The following GKAP1 variants were observed in gnomAD, a reference collection of about 807,000 sequenced individuals.
GKAP1 encodes the protein G kinase-anchoring protein 1.
GKAP1 carries 31 observed loss-of-function variants against 56.7 expected under a neutral mutation model. The observed-to-expected ratio is 0.55, with a 90% CI of 0.41 to 0.74. GKAP1 has a LOEUF of 0.74. Ranked by LOEUF, GKAP1 falls within the 30% of genes least tolerant of loss-of-function variation. GKAP1 has a pLI of 0.00. For synonymous variants in GKAP1, 151 were observed against 138.6 expected (o/e 1.09, Z -0.63); for missense variants, 364 against 402.3 (o/e 0.90, Z 0.82).
chr9:83,816,719 G>A (rs185618645), intron 2 of GKAP1, among the ~76,000 whole-genome samples: 1 of 152,134 alleles, frequency 6.6e-6, no homozygotes, highest in African/African-American at 2.4e-5. Context: ...TAAGACAGAC[G>A]ATCTTTCATT....
At chr9:83,749,657 A>G (rs887905047) in intron 9 of GKAP1, among the ~76,000 whole-genome samples, 9 of 152,240 alleles carry the variant, frequency 5.9e-5, no homozygotes, top group African/African-American at 2.2e-4. Context: ...CTCAACATAT[A>G]CATAGATATG....
chr9:83,750,367 A>G (rs142838025), intron 9 of GKAP1, among the ~76,000 whole-genome samples: 155 of 152,324 alleles, frequency 1.0e-3, no homozygotes, highest in African/African-American at 3.6e-3. Flanking sequence ...ACTGTCTAAA[A>G]AAGTAGCCAT....
chr9:83,776,044 T>A (rs1045066249), intron 7 of GKAP1, among the ~76,000 whole-genome samples: 2 of 152,064 alleles, frequency 1.3e-5, no homozygotes, highest in African/African-American at 4.8e-5. Context: ...AGATAGCAGC[T>A]GAGAGTAGGG....
chr9:83,773,290 T>G (rs1943793771), intron 7 of GKAP1, among the ~76,000 whole-genome samples: 1 of 152,190 alleles, frequency 6.6e-6, no homozygotes, highest in South Asian at 2.1e-4. Context: ...ATACATTCTA[T>G]GAGTCCATTA....
At chr9:83,788,535 T>C in intron 5 of GKAP1, 66 bp downstream of exon 5, 1 of 858,930 alleles carries the variant, frequency 1.2e-6, no homozygotes, top group Non-Finnish European at 1.8e-6. Flanking sequence ...AAAATTCAAG[T>C]AGGTTGATTT....
intron 4 of GKAP1, 110 bp from the exon 5 acceptor site, chr9:83,788,788 AC>A (rs1279260526): frequency 3.4e-6 from 2 of 595,252 alleles, no homozygotes; most frequent in South Asian, 5.2e-5. Flanking sequence ...ATGTTAAAAA[AC>A]AATATGGATT....
intron 3 of GKAP1, 48 bp from the exon 4 acceptor site, chr9:83,799,376 G>A: frequency 1.6e-6 from 2 of 1,286,196 alleles, no homozygotes; most frequent in Non-Finnish European, 2.2e-6. Context: ...CCAATCCTGG[G>A]ATACTAATGA....
intron 8 of GKAP1, among the ~76,000 whole-genome samples, chr9:83,755,202 T>C (rs1367071802): frequency 6.6e-6 from 1 of 152,210 alleles, no homozygotes; most frequent in Non-Finnish European, 1.5e-5. Context: ...GTGTTCATTG[T>C]AGATTTATCA....
chr9:83,750,698 C>G (rs1943374437), intron 9 of GKAP1, among the ~76,000 whole-genome samples: 1 of 152,136 alleles, frequency 6.6e-6, no homozygotes, highest in South Asian at 2.1e-4. Flanking sequence ...ATTTTTTAAT[C>G]TATTATTCAT....
chr9:83,742,061 T>A (rs1476400774), intron 11 of GKAP1, 32 bp from the exon 12 acceptor site: 6 of 1,386,964 alleles, frequency 4.3e-6, no homozygotes, highest in Non-Finnish European at 6.0e-6. Context: ...GAAAAAGAAT[T>A]TTTGGGGTTT....
chr9:83,748,236 A>G (rs1943326589), intron 10 of GKAP1, 73 bp downstream of exon 10: 1 of 985,400 alleles, frequency 1.0e-6, no homozygotes, highest in Admixed American at 2.1e-5. Context: ...TTGGTAAATC[A>G]CACATTTGAA....
At chr9:83,775,912 AAAAG>A (rs1943853798) in intron 7 of GKAP1, among the ~76,000 whole-genome samples, 2 of 151,510 alleles carry the variant, frequency 1.3e-5, no homozygotes, top group Non-Finnish European at 2.9e-5. Context: ...GAGAGAAAAG[AAAAG>A]AAAAAGAAAT....
chr9:83,784,852 CCAA>C lies in GKAP1; in HGVS notation c.439-17_439-15del, dbSNP rs769888871. 1.2e-5 allele frequency: 18 copies of C among 1,521,564 alleles called. No individual in the cohort carries two copies. Among genetic ancestry groups the C allele is most frequent in the Middle Eastern group, 1.7e-4 (1 of 5,752 alleles). 94.3% of individuals were successfully genotyped at this position (1,521,564 alleles called of 1,614,324 possible). A position where few individuals can be genotyped will look rare whatever the true frequency, so the allele number is the denominator to read the frequency against. On this transcript the variant is annotated splice_polypyrimidine_tract_variant and intron_variant, in intron 5 of 12. Coordinates refer to ENST00000376371, the MANE Select transcript of GKAP1 (RefSeq NM_025211.4). ...ATCTTCATACTCCTAAAAAGAATTA[CCAA>C]CAACAATTAAGTTCAGTTTACAAAC...
chr9:83,761,513 C>A (rs547450591), intron 8 of GKAP1, among the ~76,000 whole-genome samples: 8 of 152,240 alleles, frequency 5.3e-5, no homozygotes, highest in African/African-American at 1.9e-4. Context: ...CAATCCTACT[C>A]AAACTATTCT....
At chr9:83,800,937 G>T (rs1175469506) in intron 3 of GKAP1, among the ~76,000 whole-genome samples, 3 of 152,140 alleles carry the variant, frequency 2.0e-5, no homozygotes, top group African/African-American at 4.8e-5. Context: ...TTGTGAATCG[G>T]TCTTTGCACA....
At chr9:83,779,165 CATGGAATT>C (rs1003933226) in intron 7 of GKAP1, among the ~76,000 whole-genome samples, 11 of 151,790 alleles carry the variant, frequency 7.2e-5, no homozygotes, top group Non-Finnish European at 1.3e-4. Flanking sequence ...CACTTTCAAA[CATGGAATT>C]AATATTCAGT....
intron 8 of GKAP1, among the ~76,000 whole-genome samples, chr9:83,765,802 A>G (rs1943653605): frequency 6.6e-6 from 1 of 152,168 alleles, no homozygotes; most frequent in Non-Finnish European, 1.5e-5. Context: ...CTGTACTCCC[A>G]TTGTATCTAG....
At chr9:83,775,230 C>T (rs1383633664) in intron 7 of GKAP1, among the ~76,000 whole-genome samples, 1 of 152,034 alleles carries the variant, frequency 6.6e-6, no homozygotes, top group African/African-American at 2.4e-5. Flanking sequence ...TGGTCTGGAT[C>T]TCCTGGCCTC....
intron 8 of GKAP1, among the ~76,000 whole-genome samples, chr9:83,755,975 T>C (rs577264360): frequency 7.2e-4 from 109 of 152,112 alleles, no homozygotes; most frequent in African/African-American, 2.3e-3. Context: ...TGGCTAATTT[T>C]TGTATTTTTA....
Sources: allele counts gnomAD v4.1 joint callset (sites outside exome capture counted in the v4.1 genomes callset), GRCh38; gene constraint gnomAD v4.1.1; transcripts MANE v1.5; gene names NCBI Gene and HGNC (gene_info 2026-07-23, HGNC 2026-07-21).